CSGALNACT1: variants seen among roughly 807,000 people sequenced by gnomAD.
The protein encoded by CSGALNACT1 is beta4GalNAcT-1.
CSGALNACT1 carries 52 observed loss-of-function variants against 51.0 expected under a neutral mutation model. That is an observed-to-expected ratio of 1.02 (90% CI 0.82 to 1.29). CSGALNACT1 has a LOEUF of 1.29. Ranked by LOEUF, CSGALNACT1 falls within the 50% of genes most tolerant of loss-of-function variation. CSGALNACT1 has a pLI of 0.00. For missense variants in CSGALNACT1, 935 were observed against 679.2 expected (o/e 1.38, Z -4.19); for synonymous variants, 341 against 254.4 (o/e 1.34, Z -3.24).
chr8:19,428,982 G>A (rs1030572820), intron 6 of CSGALNACT1, among the ~76,000 whole-genome samples: 2 of 151,978 alleles, frequency 1.3e-5, no homozygotes, highest in African/African-American at 4.8e-5. Context: ...TCGCGATGCT[G>A]TAAACCGTCA....
intron 1 of CSGALNACT1, among the ~76,000 whole-genome samples, chr8:19,656,192 C>T (rs1308688518): frequency 6.6e-6 from 1 of 152,142 alleles, no homozygotes; most frequent in South Asian, 2.1e-4. Flanking sequence ...TTTTGCTAAT[C>T]TGCACAATGT....
In CSGALNACT1 at chr8:19,662,763, T is replaced by G. The variant is rs980510838; in HGVS notation, c.-544+19710A>C. ...TGGTCCACACTGGTAATGCTCACCT[T>G]TGGCTCTGTCTTCACCATCCACTCT... is the stretch of plus-strand genomic sequence containing the variant. On this transcript the variant is annotated intron_variant, in intron 1 of 9. Coordinates refer to the CSGALNACT1 transcript ENST00000332246. Among the ~76,000 whole-genome samples, 72 of 152,320 alleles carry G rather than the reference T, an allele frequency of 4.7e-4. 1 individual carries two copies. The highest frequency in any genetic ancestry group is 1.7e-3 in the African/African-American group (69 of 41,570).
chr8:19,676,030 G>T (rs560994263), intron 1 of CSGALNACT1, among the ~76,000 whole-genome samples: 31 of 144,524 alleles, frequency 2.1e-4, no homozygotes, highest in African/African-American at 8.0e-4. Context: ...TAGAGATCGA[G>T]ACAGAACTAC....
rs117937215 is a variant in CSGALNACT1 at position 19,738,763 on chromosome 8, C to T, written c.-297+19087G>A. On this transcript the variant is annotated intron_variant, in intron 1 of 1. Coordinates refer to the CSGALNACT1 transcript ENST00000517494. ...AGCAGAACCATAAGACACTGTGCAG[C>T]GATAGGAGCAAAAATAATTATTCAT... Among the ~76,000 whole-genome samples the T allele has an allele frequency of 1.2e-3, 187 of 152,010 alleles. 2 individuals are homozygous for T. In the East Asian group the frequency reaches 0.028, roughly 23 times the overall value.
intron 1 of CSGALNACT1, among the ~76,000 whole-genome samples, chr8:19,704,435 C>T (rs529747583): frequency 1.3e-5 from 2 of 152,224 alleles, no homozygotes; most frequent in African/African-American, 2.4e-5. Context: ...CAAGTGTTGT[C>T]GAGGACTTGG....
At chr8:19,474,147 T>C (rs1054897893) in intron 4 of CSGALNACT1, among the ~76,000 whole-genome samples, 3 of 152,054 alleles carry the variant, frequency 2.0e-5, no homozygotes, top group Admixed American at 6.5e-5. Flanking sequence ...CTACGACCAA[T>C]GCCAGCTAAA....
intron 4 of CSGALNACT1, among the ~76,000 whole-genome samples, chr8:19,464,337 C>T (rs374376042): frequency 6.6e-6 from 1 of 152,208 alleles, no homozygotes; most frequent in African/African-American, 2.4e-5. Context: ...ACCACTCAAA[C>T]CCCACATCTC....
chr8:19,464,888 G>A (rs1048737627), intron 4 of CSGALNACT1, among the ~76,000 whole-genome samples: 7 of 152,136 alleles, frequency 4.6e-5, no homozygotes, highest in South Asian at 2.1e-4. Context: ...GTGCACTACC[G>A]GCGGGAAGCA....
Position 19,468,629 on chromosome 8 carries a change from T to G in CSGALNACT1, c.635-9987A>C, listed in dbSNP as rs915809907. Among the ~76,000 whole-genome samples the G allele has an allele frequency of 6.6e-4, 100 of 151,688 alleles. 2 individuals are homozygous for G. The highest frequency in any genetic ancestry group is 1.8e-4 in the Non-Finnish European group (12 of 67,930). ...AGAGCCTGAACTAAGATGGTGGCAA[T>G]GGAGGTGGAAAAAAGCTTGAGAGAA... On this transcript the variant is annotated intron_variant, in intron 4 of 9. Transcript: ENST00000454498.
chr8:19,672,624 T>C (rs962052576), intron 1 of CSGALNACT1, among the ~76,000 whole-genome samples: 6 of 152,252 alleles, frequency 3.9e-5, no homozygotes, highest in African/African-American at 9.6e-5. Context: ...CAGTCACTTA[T>C]AGATGACATT....
chr8:19,696,055 G>A (rs6992978), intron 1 of CSGALNACT1, among the ~76,000 whole-genome samples: 71,013 of 152,084 alleles, frequency 0.47, 16,884 homozygotes, highest in South Asian at 0.58. Context: ...GCAAAAACAT[G>A]TATGAAGACA....
chr8:19,533,989 A>C (rs2083278878), intron 3 of CSGALNACT1, among the ~76,000 whole-genome samples: 1 of 152,172 alleles, frequency 6.6e-6, no homozygotes, highest in South Asian at 2.1e-4. Flanking sequence ...CCCCCATGCC[A>C]AATCAATTGT....
At chr8:19,413,993 G>T (rs543891829) in intron 8 of CSGALNACT1, among the ~76,000 whole-genome samples, 1 of 152,246 alleles carries the variant, frequency 6.6e-6, no homozygotes, top group Admixed American at 6.5e-5. Context: ...AAGGGCTCAG[G>T]GCTTGCAGTG....
chr8:19,629,925 C>G (rs184410562), intron 1 of CSGALNACT1, among the ~76,000 whole-genome samples: 5 of 152,104 alleles, frequency 3.3e-5, no homozygotes, highest in African/African-American at 1.2e-4. Context: ...AATTCTGAGA[C>G]GCCCAGTAGG....
intron 1 of CSGALNACT1, among the ~76,000 whole-genome samples, chr8:19,616,812 T>C (rs897647374): frequency 2.0e-5 from 3 of 152,120 alleles, no homozygotes; most frequent in African/African-American, 7.2e-5. Context: ...CCACGTACAA[T>C]CAGCAGAACT....
chr8:19,630,809 T>G (rs2055144560), intron 1 of CSGALNACT1, among the ~76,000 whole-genome samples: 1 of 152,156 alleles, frequency 6.6e-6, no homozygotes, highest in Non-Finnish European at 1.5e-5. Context: ...ATGGCTCTTT[T>G]TGAAAAACAG....
intron 3 of CSGALNACT1, among the ~76,000 whole-genome samples, chr8:19,531,347 G>A (rs913498133): frequency 2.6e-5 from 4 of 152,166 alleles, no homozygotes; most frequent in African/African-American, 9.7e-5. Context: ...TGGGATGGAC[G>A]TTAATATTGC....
At chr8:19,752,234 C>CAT (rs1196717907) in intron 1 of CSGALNACT1, among the ~76,000 whole-genome samples, 2 of 149,160 alleles carry the variant, frequency 1.3e-5, no homozygotes, top group Non-Finnish European at 3.0e-5. Flanking sequence ...TATACACACA[C>CAT]ATATATAACC....
chr8:19,622,764 T>A (rs982990281), intron 1 of CSGALNACT1, among the ~76,000 whole-genome samples: 2 of 150,730 alleles, frequency 1.3e-5, no homozygotes, highest in African/African-American at 4.9e-5. Context: ...AGGGGGGAAA[T>A]AAAAAAGTAA....
Sources: gnomAD v4.1 joint callset for allele counts (sites outside exome capture counted in the v4.1 genomes callset) on GRCh38, gnomAD v4.1.1 for gene constraint, MANE v1.5 for transcripts, NCBI Gene and HGNC (gene_info 2026-07-23, HGNC 2026-07-21) for gene names.